Variants in ARID2 observed in about 807,000 individuals in gnomAD.
ARID2 encodes the protein AT-rich interaction domain 2, also known as AT-rich interactive domain-containing protein 2.
In ARID2, 32 loss-of-function variants were observed where a neutral mutation model predicts 184.6. The ratio of observed to expected loss-of-function variants is 0.17; its 90% CI spans 0.13 to 0.23. ARID2 has a LOEUF of 0.23. Among genes scored for constraint, ARID2 ranks in the 10% least tolerant of loss-of-function variants. The probability of loss-of-function intolerance (pLI) is 1.00; values close to 1 mark genes in which losing one functional copy is unlikely to be tolerated. For missense variants in ARID2, 1,696 were observed against 2,197.6 expected (o/e 0.77, Z 4.56); for synonymous variants, 836 against 772.6 (o/e 1.08, Z -1.36).
chr12:45,812,395 T>A (rs1942726994), intron 4 of ARID2, among the ~76,000 whole-genome samples: 1 of 152,158 alleles, frequency 6.6e-6, no homozygotes, highest in Admixed American at 6.5e-5. Context: ...GTATTATCTA[T>A]TTTCAAAGTT....
Position 45,851,092 on chromosome 12 carries a change from C to T in ARID2, c.2969C>T (p.Ser990Leu), listed in dbSNP as rs758368727. The T allele has an allele frequency of 7.4e-6, 12 of 1,614,112 alleles. No individual in the cohort carries two copies. The highest frequency in any genetic ancestry group is 1.1e-5 in the South Asian group (1 of 91,076). Reference protein sequence around the residue: ...TNNQVPTAMSSSSTPQSQGPP... With the variant: ...TNNQVPTAMSLSSTPQSQGPP... ...AACCAAGTCCCTACTGCCATGTCGT[C>T]GTCCTCTACCCCTCAATCACAGGGA... The change falls in exon 15 of 21, where the codon TCG becomes TTG. Residue 990 changes from serine to leucine, a missense_variant. Coordinates refer to ENST00000334344, the MANE Select transcript of ARID2 (RefSeq NM_152641.4).
At chr12:45,818,009 A>G (rs1175634696) in intron 5 of ARID2, 121 bp downstream of exon 5, 2 of 693,222 alleles carry the variant, frequency 2.9e-6, no homozygotes, top group Non-Finnish European at 4.5e-6. Flanking sequence ...CTGTTTTTAT[A>G]TTATGCATTA....
intron 3 of ARID2, among the ~76,000 whole-genome samples, chr12:45,741,237 A>G (rs1475015863): frequency 6.6e-6 from 1 of 152,154 alleles, no homozygotes. Flanking sequence ...GTCTCAAAAC[A>G]CCCAGGCTGG....
chr12:45,891,995 C>T lies in ARID2; in HGVS notation c.5062-16C>T, dbSNP rs2138233049. The T allele has an allele frequency of 2.5e-6, 4 of 1,613,914 alleles. No individual in the cohort carries two copies. The highest frequency in any genetic ancestry group is 1.1e-5 in the South Asian group (1 of 91,048). On this transcript the variant is annotated splice_polypyrimidine_tract_variant and intron_variant, in intron 17 of 20. Transcript: ENST00000334344. The stretch of plus-strand genomic sequence containing the variant: ...ATTTTGACGTGCCATTCTCTTGCTT[C>T]CTCTTCCTCAAAAAGGATAAGCACT...
chr12:45,864,279 T>C (rs1292502552), intron 16 of ARID2, among the ~76,000 whole-genome samples: 1 of 152,132 alleles, frequency 6.6e-6, no homozygotes, highest in Non-Finnish European at 1.5e-5. Context: ...ACTCTTTAGA[T>C]ATAAATACTA....
chr12:45,774,867 T>C (rs576785021), intron 3 of ARID2, among the ~76,000 whole-genome samples: 40 of 152,356 alleles, frequency 2.6e-4, no homozygotes, highest in African/African-American at 8.9e-4. Flanking sequence ...AATTTACTGC[T>C]GTTCTTGATT....
At chr12:45,857,283 C>T (rs763251165) in intron 15 of ARID2, among the ~76,000 whole-genome samples, 2 of 152,112 alleles carry the variant, frequency 1.3e-5, no homozygotes, top group Non-Finnish European at 2.9e-5. Flanking sequence ...TGGTAAAGAG[C>T]TTGAGAAAGT....
chr12:45,843,375 C>CTT (rs78325653), intron 11 of ARID2, among the ~76,000 whole-genome samples: 4 of 139,460 alleles, frequency 2.9e-5, no homozygotes, highest in South Asian at 2.3e-4. Context: ...ATGTTTTCTT[C>CTT]TTTTTTTTTT....
At chr12:45,874,998 C>T (rs1241713705) in intron 16 of ARID2, among the ~76,000 whole-genome samples, 1 of 152,194 alleles carries the variant, frequency 6.6e-6, no homozygotes, top group African/African-American at 2.4e-5. Context: ...TGGCCCTTGC[C>T]TGTGGTCCCA....
intron 18 of ARID2, 57 bp downstream of exon 18, chr12:45,892,153 C>A: frequency 6.5e-7 from 1 of 1,534,844 alleles, no homozygotes. Flanking sequence ...AGGCAAAACA[C>A]AAGAAAATGA....
At chr12:45,807,237 G>T (rs1207206517) in intron 3 of ARID2, among the ~76,000 whole-genome samples, 1 of 152,158 alleles carries the variant, frequency 6.6e-6, no homozygotes, top group African/African-American at 2.4e-5. Flanking sequence ...TTTAAAGGGA[G>T]AAGTGAATAT....
chr12:45,793,510 G>C (rs1942331263), intron 3 of ARID2, among the ~76,000 whole-genome samples: 1 of 151,516 alleles, frequency 6.6e-6, no homozygotes, highest in Non-Finnish European at 1.5e-5. Context: ...AAAGACCTTA[G>C]AGTACTTTAT....
chr12:45,733,372 A>G (rs1199512650), intron 3 of ARID2, among the ~76,000 whole-genome samples: 2 of 152,242 alleles, frequency 1.3e-5, no homozygotes, highest in Non-Finnish European at 2.9e-5. Flanking sequence ...CAAGATGCCA[A>G]GTAACAGCAA....
chr12:45,850,352 T>G lies in ARID2; in HGVS notation c.2229T>G (p.Val743=), dbSNP rs371666897. 27 of 1,614,000 alleles carry G rather than the reference T, an allele frequency of 1.7e-5. No individual in the cohort carries two copies. The East Asian group carries it at 4.5e-4, about 27-fold the overall frequency. Residue 743 remains valine (V), a synonymous_variant, in exon 15 of 21, where the codon GTT becomes GTG. Coordinates refer to ENST00000334344, the MANE Select transcript of ARID2 (RefSeq NM_152641.4). ...AVGGGPPQSS[V]VQNHSTGPQP... ...GAGGAGGACCTCCACAGAGTTCTGT[T>G]GTTCAGAATCATAGTACAGGGCCAC...
At chr12:45,867,177 C>A (rs1379080058) in intron 16 of ARID2, among the ~76,000 whole-genome samples, 1 of 151,938 alleles carries the variant, frequency 6.6e-6, no homozygotes, top group Non-Finnish European at 1.5e-5. Context: ...TCTTGAACTC[C>A]TGACCTCCTG....
intron 13 of ARID2, 57 bp downstream of exon 13, chr12:45,849,027 C>T (rs1943492533): frequency 6.5e-7 from 1 of 1,538,658 alleles, no homozygotes; most frequent in Non-Finnish European, 8.8e-7. Context: ...ACATCTCTTG[C>T]TCTTTAAAGA....
intron 3 of ARID2, among the ~76,000 whole-genome samples, chr12:45,769,768 G>A (rs1422006401): frequency 6.6e-6 from 1 of 152,192 alleles, no homozygotes; most frequent in Non-Finnish European, 1.5e-5. Context: ...TAAGGATAAG[G>A]AGGAAATCTT....
chr12:45,746,386 C>G (rs1941355768), intron 3 of ARID2, among the ~76,000 whole-genome samples: 1 of 152,080 alleles, frequency 6.6e-6, no homozygotes, highest in Non-Finnish European at 1.5e-5. Flanking sequence ...GTTGGGATTG[C>G]AGACCTGAGC....
rs563791381 is a variant in ARID2, at chr12:45,742,632, G to A, written c.284+11318G>A. ...TCCCATTATTATTTTTTTAACAGCTGCATAATGTTCCCATCGTGTAGCTAT... is the reference window on the plus strand; with the variant it reads ...TCCCATTATTATTTTTTTAACAGCTACATAATGTTCCCATCGTGTAGCTAT... On this transcript the variant is annotated intron_variant, in intron 3 of 20. Coordinates refer to ENST00000334344, the MANE Select transcript of ARID2 (RefSeq NM_152641.4). Among the ~76,000 whole-genome samples the A allele has an allele frequency of 6.6e-5, 10 of 152,162 alleles. No individual in the cohort carries two copies. In the South Asian group the frequency reaches 2.1e-3, roughly 32 times the overall value.
Sources: allele counts gnomAD v4.1 joint callset (sites outside exome capture counted in the v4.1 genomes callset), GRCh38; gene constraint gnomAD v4.1.1; transcripts MANE v1.5; gene names NCBI Gene and HGNC (gene_info 2026-07-23, HGNC 2026-07-21).